Variants in PRLR observed in about 807,000 individuals in gnomAD.
PRLR encodes prolactin receptor, also known as hPRL receptor.
In PRLR, 13 loss-of-function variants were observed where a neutral mutation model predicts 40.2. The ratio of observed to expected loss-of-function variants is 0.32; its 90% CI spans 0.21 to 0.51. The LOEUF (loss-of-function observed/expected upper bound fraction) is 0.51. Ranked by LOEUF, PRLR falls within the 20% of genes least tolerant of loss-of-function variation. PRLR has a pLI of 0.97. For missense variants in PRLR, 656 were observed against 747.3 expected (o/e 0.88, Z 1.42); for synonymous variants, 269 against 278.7 (o/e 0.97, Z 0.35).
At chr5:35,051,914 T>C (rs1768510057), downstream of PRLR, among the ~76,000 whole-genome samples, 1 of 152,160 alleles carries the variant, frequency 6.6e-6, no homozygotes, top group Non-Finnish European at 1.5e-5. Flanking sequence ...GCAATATCAG[T>C]ATCAGAAAAA....
chr5:35,199,824 T>C (rs1367843205), intron 1 of PRLR, among the ~76,000 whole-genome samples: 4 of 152,312 alleles, frequency 2.6e-5, no homozygotes, highest in Middle Eastern at 3.4e-3. Context: ...CCCGAAGGTA[T>C]TAAAAATTCA....
chr5:35,112,088 G>A (rs550746597), intron 2 of PRLR, among the ~76,000 whole-genome samples: 5 of 152,188 alleles, frequency 3.3e-5, no homozygotes, highest in African/African-American at 1.2e-4. Context: ...GCTGACAGCC[G>A]ACCTCCCTGT....
chr5:35,155,051 C>G (rs112168611), intron 1 of PRLR, among the ~76,000 whole-genome samples: 9 of 152,016 alleles, frequency 5.9e-5, no homozygotes, highest in Non-Finnish European at 1.3e-4. Flanking sequence ...GGCTTAATAC[C>G]TACATGATGG....
intron 1 of PRLR, among the ~76,000 whole-genome samples, chr5:35,136,254 A>G (rs867641007): frequency 3.9e-5 from 6 of 152,228 alleles, no homozygotes; most frequent in South Asian, 2.1e-4. Context: ...AAAAAAGCCA[A>G]TTGAATTTCT....
chr5:35,088,772 C>A (rs1198960007), intron 3 of PRLR, among the ~76,000 whole-genome samples: 2 of 152,178 alleles, frequency 1.3e-5, no homozygotes, highest in African/African-American at 2.4e-5. Context: ...ACACCACACA[C>A]ACACACAAAA....
chr5:35,208,175 GCGCACA>G lies in PRLR; in HGVS notation c.-106+22087_-106+22092del, dbSNP rs1345166989. 1.8e-3 allele frequency among the ~76,000 whole-genome samples: 260 copies of G among 145,394 alleles called. 2 individuals are homozygous for G. Among genetic ancestry groups the G allele is most frequent in the African/African-American group, 2.7e-3 (106 of 39,210 alleles). ...CCTGCTCCTTCACACACCCACGCGC[GCGCACA>G]CACACACACACACACACACACACTC... On this transcript the variant is annotated intron_variant, in intron 1 of 9. Transcript: ENST00000618457.
intron 1 of PRLR, among the ~76,000 whole-genome samples, chr5:35,127,648 T>C (rs895933940): frequency 6.6e-6 from 1 of 152,162 alleles, no homozygotes; most frequent in Non-Finnish European, 1.5e-5. Flanking sequence ...GGTATAACCC[T>C]ACAGTGGAAT....
intron 2 of PRLR, among the ~76,000 whole-genome samples, chr5:35,110,015 C>T (rs572515734): frequency 2.1e-4 from 32 of 152,308 alleles, no homozygotes; most frequent in Non-Finnish European, 4.1e-4. Flanking sequence ...GGCACATATA[C>T]ACCATGGAAT....
intron 1 of PRLR, among the ~76,000 whole-genome samples, chr5:35,144,481 C>T (rs905290317): frequency 3.3e-5 from 5 of 152,182 alleles, no homozygotes; most frequent in South Asian, 2.1e-4. Flanking sequence ...GGCAGAGTCT[C>T]GCTCTATCAC....
At chr5:35,171,131 C>A (rs1390216125) in intron 1 of PRLR, among the ~76,000 whole-genome samples, 1 of 149,772 alleles carries the variant, frequency 6.7e-6, no homozygotes, top group East Asian at 2.0e-4. Flanking sequence ...AACACTAATT[C>A]TTTCACTGAT....
chr5:35,093,096 G>A (rs1374891853), intron 2 of PRLR, among the ~76,000 whole-genome samples: 1 of 152,082 alleles, frequency 6.6e-6, no homozygotes, highest in East Asian at 1.9e-4. Context: ...ATTAAGCCAA[G>A]TCTCTTCCAC....
chr5:35,072,570 C>G lies in PRLR; in HGVS notation c.543+5G>C, dbSNP rs1166605453. 7 of 1,613,108 alleles carry G rather than the reference C, an allele frequency of 4.3e-6. No homozygotes were observed. The highest frequency in any genetic ancestry group is 5.9e-6 in the Non-Finnish European group (7 of 1,179,534). On this transcript the variant is annotated splice_donor_5th_base_variant and intron_variant, in intron 6 of 9. Transcript: ENST00000618457. Reference sequence around the variant, plus strand: ...GTTCCTTCAAAAAGCATATGGATCACTCACCTCCCACTCAGCTGCTTTCTC... The same window carrying G: ...GTTCCTTCAAAAAGCATATGGATCAGTCACCTCCCACTCAGCTGCTTTCTC...
At chr5:35,086,185 T>C (rs780953134) in intron 4 of PRLR, 23 bp downstream of exon 4, 26 of 1,613,070 alleles carry the variant, frequency 1.6e-5, no homozygotes, top group Middle Eastern at 1.6e-4. Flanking sequence ...TGGGGTTTCA[T>C]AGGAGAGAAG....
intron 5 of PRLR, among the ~76,000 whole-genome samples, chr5:35,078,753 C>A (rs1387852378): frequency 3.3e-5 from 5 of 152,028 alleles, no homozygotes; most frequent in East Asian, 1.9e-4. Context: ...GAGACACAAC[C>A]AAAAAAGAGA....
At chr5:35,087,119 C>T (rs778922202) in intron 3 of PRLR, among the ~76,000 whole-genome samples, 1 of 151,992 alleles carries the variant, frequency 6.6e-6, no homozygotes, top group Non-Finnish European at 1.5e-5. Flanking sequence ...GCCTCCTGAG[C>T]AGCTGGGATT....
At chr5:35,101,765 CAT>C (rs1389770556) in intron 2 of PRLR, among the ~76,000 whole-genome samples, 13 of 147,482 alleles carry the variant, frequency 8.8e-5, no homozygotes, top group South Asian at 2.1e-4. Context: ...ACATATAAAA[CAT>C]AAATATACCT....
chr5:35,114,251 T>C (rs1772874940), intron 2 of PRLR, among the ~76,000 whole-genome samples: 1 of 152,220 alleles, frequency 6.6e-6, no homozygotes, highest in South Asian at 2.1e-4. Flanking sequence ...GTCCTGTCAT[T>C]CATCAGCCAC....
intron 1 of PRLR, among the ~76,000 whole-genome samples, chr5:35,197,997 T>C (rs1226617426): frequency 6.6e-6 from 1 of 152,248 alleles, no homozygotes; most frequent in African/African-American, 2.4e-5. Context: ...CCTGGAGTAT[T>C]GTGGCATGGA....
At chr5:35,116,411 G>A (rs1046898847) in intron 2 of PRLR, among the ~76,000 whole-genome samples, 1 of 152,146 alleles carries the variant, frequency 6.6e-6, no homozygotes, top group Middle Eastern at 3.2e-3. Flanking sequence ...TGGAGAATAT[G>A]TCTCAAATCT....
Sources: gnomAD v4.1 joint callset for allele counts (sites outside exome capture counted in the v4.1 genomes callset) on GRCh38, gnomAD v4.1.1 for gene constraint, MANE v1.5 for transcripts, NCBI Gene and HGNC (gene_info 2026-07-23, HGNC 2026-07-21) for gene names.